Variants in LGALS3BP observed in about 807,000 individuals in gnomAD.
LGALS3BP encodes the protein galectin 3 binding protein, also known as galectin-3-binding protein.
Under a neutral mutation model 22.9 loss-of-function variants are expected in LGALS3BP, and 25 were observed. The ratio of observed to expected loss-of-function variants is 1.09; its 90% CI spans 0.80 to 1.53. The LOEUF (loss-of-function observed/expected upper bound fraction) is 1.53. Among genes scored for constraint, LGALS3BP ranks in the 40% most tolerant of loss-of-function variants. The pLI, the probability that LGALS3BP is intolerant of heterozygous loss-of-function variation, is 0.00. For missense variants in LGALS3BP, 718 were observed against 752.0 expected (o/e 0.95, Z 0.53); for synonymous variants, 335 against 331.1 (o/e 1.01, Z -0.13).
In LGALS3BP at chr17:78,974,734, C is replaced by T. The variant is rs1346003781; in HGVS notation, c.330G>A (p.Lys110=). ...LADCKSLGWL[K]SNCRHERDAG... ...CGTCTCTCTCGTGCCTGCAGTTGCTCTTCAGCCAGCCCAGGGACTTGCAGT... is the reference window on the plus strand; with the variant it reads ...CGTCTCTCTCGTGCCTGCAGTTGCTTTTCAGCCAGCCCAGGGACTTGCAGT... The change falls in exon 4 of 6, where the codon AAG becomes AAA. Residue 110 remains lysine, a synonymous_variant. Coordinates refer to ENST00000262776, the MANE Select transcript of LGALS3BP (RefSeq NM_005567.4). 3 of 1,613,750 alleles carry T rather than the reference C, an allele frequency of 1.9e-6. No individual in the cohort carries two copies. The highest frequency in any genetic ancestry group is 2.2e-5 in the South Asian group (2 of 91,080).
chr17:78,977,990 G>A (rs1487728791), intron 1 of LGALS3BP, among the ~76,000 whole-genome samples: 11 of 152,284 alleles, frequency 7.2e-5, no homozygotes, highest in African/African-American at 1.9e-4. Flanking sequence ...TAATTTCCAC[G>A]CTTTTGTCTT....
intron 4 of LGALS3BP, among the ~76,000 whole-genome samples, chr17:78,974,114 G>A (rs550717234): frequency 6.6e-6 from 1 of 152,262 alleles, no homozygotes; most frequent in Non-Finnish European, 1.5e-5. Context: ...CTGCCTTAGG[G>A]GCCTCCAACT....
Position 78,972,171 on chromosome 17 carries a change from A to G in LGALS3BP, c.1163T>C (p.Phe388Ser). ...GCCTTTGTACCGGGCCAGCAACTGG[A>G]AGGGCACAGTGTGGAATTCCAGGGC... is the stretch of plus-strand genomic sequence containing the variant. ...LQALEFHTVP[F>S]QLLARYKGLN... The change falls in exon 6 of 6, where the codon TTC becomes TCC. Residue 388 changes from phenylalanine (F) to serine (S), a missense_variant. By Grantham distance (155) the Phe-to-Ser change is radical. Transcript: ENST00000262776. This position sits in a 1 kb window ranked among gnomAD's most constrained non-coding sequence, Gnocchi z 5.1. The G allele has an allele frequency of 6.2e-7, 1 of 1,614,010 alleles. No homozygotes were observed. Among genetic ancestry groups the G allele is most frequent in the Non-Finnish European group, 8.5e-7 (1 of 1,180,012 alleles).
In LGALS3BP at chr17:78,972,953, A is replaced by T. The variant is rs761307787; in HGVS notation, c.629+17T>A. 7.5e-6 allele frequency: 12 copies of T among 1,590,478 alleles called. 1 individual carries two copies. In the South Asian group the frequency reaches 1.3e-4, roughly 18 times the overall value. Reference sequence around the variant, plus strand: ...AAGCCCCTGGCGGCCCCAGAGCCTGAGGACGAGACGGCTCACCTGAGAAGG... The same window carrying T: ...AAGCCCCTGGCGGCCCCAGAGCCTGTGGACGAGACGGCTCACCTGAGAAGG... On this transcript the variant is annotated intron_variant, in intron 5 of 5. Transcript: ENST00000262776. The surrounding 1 kb of genome is among the most constrained non-coding windows in gnomAD (Gnocchi z 5.1).
At chr17:78,979,449 T>C (rs1826092519) in intron 1 of LGALS3BP, 1 of 152,266 alleles carries the variant, frequency 6.6e-6, no homozygotes, top group African/African-American at 2.4e-5. Flanking sequence ...CACTTGCCTG[T>C]GTAGAGAGAG....
In LGALS3BP at chr17:78,971,484, G is replaced by T. The variant is rs1404841177; in HGVS notation, c.*92C>A. ...GACATCTGGTGGCCGGTTGTTGAAG[G>T]TCATTGCAGAGAGGAAGGAAGCCGA... is the stretch of plus-strand genomic sequence containing the variant. On this transcript the variant is annotated 3_prime_UTR_variant, in exon 6 of 6. Coordinates refer to ENST00000262776, the MANE Select transcript of LGALS3BP (RefSeq NM_005567.4). This position sits in a 1 kb window ranked among gnomAD's most constrained non-coding sequence, Gnocchi z 5.6. 7 of 1,213,520 alleles carry T rather than the reference G, an allele frequency of 5.8e-6. No individual in the cohort carries two copies. The highest frequency in any genetic ancestry group is 4.8e-5 in the East Asian group (2 of 41,282). The allele number at this position is 1,213,520 out of a possible 1,614,324, so 75.2% of individuals were successfully genotyped here. A position where few individuals can be genotyped will look rare whatever the true frequency, so the allele number is the denominator to read the frequency against.
Position 78,971,778 on chromosome 17 carries a change from T to C in LGALS3BP, c.1556A>G (p.Glu519Gly). The C allele has an allele frequency of 6.2e-7, 1 of 1,614,054 alleles. No individual in the cohort carries two copies. Among genetic ancestry groups the C allele is most frequent in the South Asian group, 1.1e-5 (1 of 91,080 alleles). Residue 519 changes from glutamate to glycine, a missense_variant, in exon 6 of 6, where the codon GAA becomes GGA. Coordinates refer to ENST00000262776, the MANE Select transcript of LGALS3BP (RefSeq NM_005567.4). The surrounding 1 kb of genome is among the most constrained non-coding windows in gnomAD (Gnocchi z 5.6). Reference protein sequence around the residue: ...SGGSDRTIAYENKALMLCEGL... With the variant: ...SGGSDRTIAYGNKALMLCEGL... The stretch of plus-strand genomic sequence containing the variant: ...TTCGCAGAGCATCAGGGCTTTGTTT[T>C]CGTAGGCAATGGTGCGATCTGAGCC...
At chr17:78,978,661 A>T (rs1363715578) in intron 1 of LGALS3BP, among the ~76,000 whole-genome samples, 1 of 152,208 alleles carries the variant, frequency 6.6e-6, no homozygotes, top group Non-Finnish European at 1.5e-5. Context: ...CCTCAGTCCC[A>T]GGCACGCCGG....
At chr17:78,977,494 A>T in intron 1 of LGALS3BP, 2 of 378,528 alleles carry the variant, frequency 5.3e-6, no homozygotes, top group Non-Finnish European at 9.6e-6. Flanking sequence ...GGGCAGCAAG[A>T]ATTGGTGACT....
At chr17:78,975,866 C>T in intron 3 of LGALS3BP, 99 bp downstream of exon 3, 1 of 434,146 alleles carries the variant, frequency 2.3e-6, no homozygotes, top group Non-Finnish European at 3.6e-6. Context: ...ATTTGCATGT[C>T]TTTGAAACCT....
chr17:78,976,267 G>A lies in LGALS3BP; in HGVS notation c.53-111C>T. 1 of 974,464 alleles carries A rather than the reference G, an allele frequency of 1.0e-6. No homozygotes were observed. Among genetic ancestry groups the A allele is most frequent in the South Asian group, 1.7e-5 (1 of 57,236 alleles). 60.4% of individuals were successfully genotyped at this position (974,464 alleles called of 1,614,324 possible). On this transcript the variant is annotated intron_variant, in intron 2 of 5. Transcript: ENST00000262776. This position sits in a 1 kb window ranked among gnomAD's most constrained non-coding sequence, Gnocchi z 4.6. Reference sequence around the variant, plus strand: ...TCCCCTGCTGAGCTTGTATTTCAGGGCTTCAAGGTCCCCTGGCCTCTCCAT... The same window carrying A: ...TCCCCTGCTGAGCTTGTATTTCAGGACTTCAAGGTCCCCTGGCCTCTCCAT...
chr17:78,977,123 C>G lies in LGALS3BP; in HGVS notation c.52+17G>C. 1 of 1,613,194 alleles carries G rather than the reference C, an allele frequency of 6.2e-7. No individual in the cohort carries two copies. The highest frequency in any genetic ancestry group is 8.5e-7 in the Non-Finnish European group (1 of 1,179,910). On this transcript the variant is annotated intron_variant, in intron 2 of 5. Coordinates refer to ENST00000262776, the MANE Select transcript of LGALS3BP (RefSeq NM_005567.4). Reference sequence around the variant, plus strand: ...TCCACACTTCTGCTTTTGGTATTTCCCAGGGGCTCAGCTCACCTTGGGTTC... The same window carrying G: ...TCCACACTTCTGCTTTTGGTATTTCGCAGGGGCTCAGCTCACCTTGGGTTC...
intron 3 of LGALS3BP, 38 bp downstream of exon 3, chr17:78,975,926 TG>T: frequency 6.7e-7 from 1 of 1,494,900 alleles, no homozygotes; most frequent in Non-Finnish European, 9.0e-7. Context: ...GGCTGTGCTG[TG>T]GGTCTCAGCC....
chr17:78,972,824 G>A lies in LGALS3BP; in HGVS notation c.630-120C>T. 3.5e-6 allele frequency: 5 copies of A among 1,429,150 alleles called. No homozygotes were observed. Among genetic ancestry groups the A allele is most frequent in the Non-Finnish European group, 4.7e-6 (5 of 1,063,126 alleles). The allele number at this position is 1,429,150 out of a possible 1,614,324, so 88.5% of individuals were successfully genotyped here. A position where few individuals can be genotyped will look rare whatever the true frequency, so the allele number is the denominator to read the frequency against. On this transcript the variant is annotated intron_variant, in intron 5 of 5. Transcript: ENST00000262776. This position sits in a 1 kb window ranked among gnomAD's most constrained non-coding sequence, Gnocchi z 5.1. ...TGTGGGAGTGAGCATGCGTGTGTGT[G>A]CAACTGCGTGAGTGCATGTGTGACT...
In LGALS3BP at chr17:78,972,787, G is replaced by A; in HGVS notation, c.630-83C>T. 1 of 1,479,030 alleles carries A rather than the reference G, an allele frequency of 6.8e-7. No homozygotes were observed. Among genetic ancestry groups the A allele is most frequent in the Non-Finnish European group, 9.0e-7 (1 of 1,107,058 alleles). The allele number at this position is 1,479,030 out of a possible 1,614,324, so 91.6% of individuals were successfully genotyped here. A position where few individuals can be genotyped will look rare whatever the true frequency, so the allele number is the denominator to read the frequency against. On this transcript the variant is annotated intron_variant, in intron 5 of 5. Coordinates refer to ENST00000262776, the MANE Select transcript of LGALS3BP (RefSeq NM_005567.4). The surrounding 1 kb of genome is among the most constrained non-coding windows in gnomAD (Gnocchi z 5.1). ...GCCCAACTGTCCAACACAGCCACCT[G>A]AGTGCACACAGTGTGGGAGTGAGCA... is the stretch of plus-strand genomic sequence containing the variant.
chr17:78,971,686 T>G lies in LGALS3BP; in HGVS notation c.1648A>C (p.Thr550Pro). The G allele has an allele frequency of 6.2e-7, 1 of 1,613,904 alleles. No homozygotes were observed. Among genetic ancestry groups the G allele is most frequent in the Non-Finnish European group, 8.5e-7 (1 of 1,180,016 alleles). Residue 550 changes from threonine to proline, a missense_variant, in exon 6 of 6, where the codon ACC becomes CCC. Transcript: ENST00000262776. This position sits in a 1 kb window ranked among gnomAD's most constrained non-coding sequence, Gnocchi z 5.6. The part of the protein sequence containing the change: ...WKAAIPSALD[T>P]NSSKSTSSFP... The stretch of plus-strand genomic sequence containing the variant: ...GAGGAGGTGCTCTTCGAGCTGTTGG[T>G]GTCCAGGGCACTGGGAATCGCAGCC...
chr17:78,975,791 C>CAAAAAAA (rs60470107), intron 3 of LGALS3BP, among the ~76,000 whole-genome samples, 174 bp downstream of exon 3: 1 of 52,246 alleles, frequency 1.9e-5, no homozygotes, highest in African/African-American at 6.8e-5. Flanking sequence ...GACTCCATCT[C>CAAAAAAA]AAAAAAAAAA....
rs561270269 is a variant in LGALS3BP, at chr17:78,974,834, G to C, written c.245-15C>G. On this transcript the variant is annotated splice_polypyrimidine_tract_variant and intron_variant, in intron 3 of 5. Coordinates refer to ENST00000262776, the MANE Select transcript of LGALS3BP (RefSeq NM_005567.4). ...GGGGCCTGATCCTGTGGACACAGCA[G>C]ATGGCAGGGCTGGGGGCGTGACGAC... The C allele has an allele frequency of 1.7e-4, 274 of 1,611,748 alleles. No individual in the cohort carries two copies. Among genetic ancestry groups the C allele is most frequent in the Admixed American group, 1.2e-3 (71 of 59,982 alleles).
At position 78,971,946 on chromosome 17, in the gene LGALS3BP, G is replaced by T. The variant is rs761767680; in HGVS notation, c.1388C>A (p.Thr463Asn). Residue 463 changes from threonine to asparagine, a missense_variant, in exon 6 of 6, where the codon ACT (threonine) becomes AAT (asparagine). By Grantham distance (65) the Thr-to-Asn change is moderately conservative. Transcript: ENST00000262776. This position sits in a 1 kb window ranked among gnomAD's most constrained non-coding sequence, Gnocchi z 5.6. ...YRYYPYQSFQ[T>N]PQHPSFLFQD... The stretch of plus-strand genomic sequence containing the variant: ...GAAGAGGAAGCTGGGGTGTTGTGGA[G>T]TCTGGAAGGACTGGTAGGGGTAGTA... 2.5e-6 allele frequency: 4 copies of T among 1,614,044 alleles called. No homozygotes were observed. Among genetic ancestry groups the T allele is most frequent in the Non-Finnish European group, 3.4e-6 (4 of 1,180,050 alleles).
Sources: gnomAD v4.1 joint callset for allele counts (sites outside exome capture counted in the v4.1 genomes callset) on GRCh38, gnomAD v4.1.1 for gene constraint, Gnocchi (gnomAD v3.1) non-coding constraint, MANE v1.5 for transcripts, NCBI Gene and HGNC (gene_info 2026-07-23, HGNC 2026-07-21) for gene names.